SETBP1: variants seen among roughly 807,000 people sequenced by gnomAD.
SETBP1 encodes SET-binding protein.
SETBP1 carries 9 observed loss-of-function variants against 101.0 expected under a neutral mutation model. The observed-to-expected ratio is 0.09, with a 90% CI of 0.05 to 0.16. The LOEUF (loss-of-function observed/expected upper bound fraction) is 0.16. Ranked by LOEUF, SETBP1 falls within the 10% of genes least tolerant of loss-of-function variation. The probability of loss-of-function intolerance (pLI) is 1.00; values close to 1 mark genes in which losing one functional copy is unlikely to be tolerated. For missense variants in SETBP1, 1,858 were observed against 2,033.8 expected, an observed-to-expected ratio of 0.91 and a Z score of 1.66; for synonymous variants, 818 against 788.5, an observed-to-expected ratio of 1.04 and a Z score of -0.63.
intron 2 of SETBP1, among the ~76,000 whole-genome samples, chr18:44,736,015 G>A (rs2069957977): frequency 6.6e-6 from 1 of 152,172 alleles, no homozygotes; most frequent in Admixed American, 6.6e-5. Context: ...TTAGAATCAT[G>A]AAGAACATTT....
rs554136065 is a variant in SETBP1 at position 44,935,115 on chromosome 18, C to T, written c.541-14766C>T. On this transcript the variant is annotated intron_variant, in intron 3 of 5. Coordinates refer to ENST00000649279, the MANE Select transcript of SETBP1 (RefSeq NM_015559.3). ...ACCCACAAGGCCAGTCATCCTGGCTCTGCCCACCAGCCTCTGTGAGGTCAC... is the reference window on the plus strand; with the variant it reads ...ACCCACAAGGCCAGTCATCCTGGCTTTGCCCACCAGCCTCTGTGAGGTCAC... 2.6e-5 allele frequency among the ~76,000 whole-genome samples: 4 copies of T among 152,212 alleles called. No homozygotes were observed. The South Asian group carries it at 8.3e-4, about 32-fold the overall frequency.
In SETBP1 at chr18:44,950,464, A is replaced by G. The variant is rs2071316611; in HGVS notation, c.1124A>G (p.Asp375Gly). 2 of 1,614,180 alleles carry G rather than the reference A, an allele frequency of 1.2e-6. No individual in the cohort carries two copies. The highest frequency in any genetic ancestry group is 4.5e-5 in the East Asian group (2 of 44,868). ...TEGKREGYSA[D>G]SAQEASPARQ... ...GGGAAAAGGGAAGGTTATTCCGCAG[A>G]TAGTGCCCAAGAGGCATCACCAGCC... The change falls in exon 4 of 6, where the codon GAT becomes GGT. Residue 375 changes from aspartate (D) to glycine (G), a missense_variant. Physicochemically the swap from Asp to Gly is moderately conservative, Grantham distance 94. Coordinates refer to ENST00000649279, the MANE Select transcript of SETBP1 (RefSeq NM_015559.3).
intron 2 of SETBP1, among the ~76,000 whole-genome samples, chr18:44,749,520 G>A (rs894963795): frequency 6.6e-6 from 1 of 152,162 alleles, no homozygotes; most frequent in Non-Finnish European, 1.5e-5. Context: ...CTGGATTCCA[G>A]GGAAGCAATT....
intron 2 of SETBP1, among the ~76,000 whole-genome samples, chr18:44,744,499 G>A (rs923330127): frequency 1.3e-5 from 2 of 152,246 alleles, no homozygotes; most frequent in Non-Finnish European, 2.9e-5. Flanking sequence ...GCGCCCTACT[G>A]TACGCGCCCA....
At chr18:44,746,693 G>A (rs1890914513) in intron 2 of SETBP1, among the ~76,000 whole-genome samples, 1 of 152,160 alleles carries the variant, frequency 6.6e-6, no homozygotes, top group Non-Finnish European at 1.5e-5. Flanking sequence ...TAACAATCAG[G>A]AACTATCAGT....
intron 2 of SETBP1, among the ~76,000 whole-genome samples, chr18:44,727,976 G>A (rs2069752983): frequency 6.6e-6 from 1 of 152,076 alleles, no homozygotes; most frequent in South Asian, 2.1e-4. Flanking sequence ...TTTGAGGGGA[G>A]GTCCTTACAC....
chr18:44,695,067 G>C (rs1038424552), intron 1 of SETBP1, among the ~76,000 whole-genome samples: 1 of 152,142 alleles, frequency 6.6e-6, no homozygotes, highest in Non-Finnish European at 1.5e-5. Flanking sequence ...TAAAGGCAAA[G>C]GGGGCATGGA....
intron 3 of SETBP1, among the ~76,000 whole-genome samples, chr18:44,927,347 G>A (rs550473196): frequency 3.9e-5 from 6 of 152,218 alleles, no homozygotes; most frequent in South Asian, 4.2e-4. Flanking sequence ...AGGCGCCAGT[G>A]CTCATCATTG....
intron 3 of SETBP1, among the ~76,000 whole-genome samples, chr18:44,900,592 T>A (rs1467341856): frequency 6.6e-6 from 1 of 152,172 alleles, no homozygotes; most frequent in Non-Finnish European, 1.5e-5. Flanking sequence ...AGGAGAAAAA[T>A]TCGTTCACAA....
intron 2 of SETBP1, among the ~76,000 whole-genome samples, chr18:44,844,028 AATTTTCACTCCTGTC>A (rs1468508199): frequency 6.6e-6 from 1 of 152,076 alleles, no homozygotes. Context: ...CCAAAGGCTC[AATTTTCACTCCTGTC>A]ATTTTTTTTA....
At chr18:44,817,663 T>C (rs919637779) in intron 2 of SETBP1, among the ~76,000 whole-genome samples, 1 of 139,504 alleles carries the variant, frequency 7.2e-6, no homozygotes, top group African/African-American at 2.7e-5. Flanking sequence ...CCAACCCAGG[T>C]GACAGTGCGA....
intron 3 of SETBP1, among the ~76,000 whole-genome samples, chr18:44,938,958 ATGTGTGTG>A (rs111916615): frequency 4.8e-5 from 7 of 147,344 alleles, no homozygotes; most frequent in Middle Eastern, 3.5e-3. Flanking sequence ...GAGTGTGTGC[ATGTGTGTG>A]TGTGTGTGTG....
At chr18:44,961,769 T>C (rs2071617143) in intron 4 of SETBP1, among the ~76,000 whole-genome samples, 1 of 152,184 alleles carries the variant, frequency 6.6e-6, no homozygotes, top group African/African-American at 2.4e-5. Flanking sequence ...CACAGGCACA[T>C]AGCTTTTGAT....
intron 2 of SETBP1, among the ~76,000 whole-genome samples, chr18:44,767,978 C>A (rs1489821670): frequency 2.6e-5 from 4 of 152,212 alleles, no homozygotes; most frequent in African/African-American, 9.6e-5. Flanking sequence ...GTGACTGCCT[C>A]TATCACATTA....
At chr18:44,803,072 G>A (rs902761155) in intron 2 of SETBP1, among the ~76,000 whole-genome samples, 4 of 152,076 alleles carry the variant, frequency 2.6e-5, no homozygotes, top group Non-Finnish European at 2.9e-5. Flanking sequence ...AACCAGAGAA[G>A]GTCTCGGGAG....
At chr18:44,722,899 A>G (rs2069630754) in intron 2 of SETBP1, among the ~76,000 whole-genome samples, 1 of 152,228 alleles carries the variant, frequency 6.6e-6, no homozygotes, top group Non-Finnish European at 1.5e-5. Context: ...ACAATATCCT[A>G]TGGGAAGGAT....
chr18:44,885,753 A>T (rs561093397), intron 3 of SETBP1, among the ~76,000 whole-genome samples: 1 of 149,226 alleles, frequency 6.7e-6, no homozygotes, highest in African/African-American at 2.5e-5. Context: ...GTTGGCTGAG[A>T]TTTTGTGGAT....
chr18:44,696,982 C>A (rs765283683), intron 1 of SETBP1, among the ~76,000 whole-genome samples: 5 of 152,214 alleles, frequency 3.3e-5, no homozygotes, highest in Non-Finnish European at 5.9e-5. Flanking sequence ...TCCCAGCCCC[C>A]ACTGCCGCCC....
intron 3 of SETBP1, among the ~76,000 whole-genome samples, chr18:44,925,681 G>C (rs1399287274): frequency 6.6e-6 from 1 of 152,190 alleles, no homozygotes; most frequent in Non-Finnish European, 1.5e-5. Context: ...TTTACAGGGA[G>C]TACATTCAGC....
Sources: gnomAD v4.1 joint callset for allele counts (sites outside exome capture counted in the v4.1 genomes callset) on GRCh38, gnomAD v4.1.1 for gene constraint, MANE v1.5 for transcripts, NCBI Gene and HGNC (gene_info 2026-07-23, HGNC 2026-07-21) for gene names.